Variants in TTN observed in about 807,000 individuals in gnomAD.
TTN encodes the protein connectin.
A neutral mutation model predicts 3,223.0 loss-of-function variants in TTN; 1,525 were observed. The ratio of observed to expected loss-of-function variants is 0.47; its 90% CI spans 0.45 to 0.49. The LOEUF is 0.49. Ranked by LOEUF, TTN falls within the 20% of genes least tolerant of loss-of-function variation. The probability of loss-of-function intolerance (pLI) is 0.00; values close to 1 mark genes in which losing one functional copy is unlikely to be tolerated. For synonymous variants in TTN, 14,094 were observed against 15,161.0 expected (o/e 0.93, Z 5.17); for missense variants, 40,786 against 43,424.0 (o/e 0.94, Z 5.40).
intron 130 of TTN, 69 bp downstream of exon 130, chr2:178,684,837 A>T (rs1457398066): frequency 4.5e-6 from 7 of 1,546,650 alleles, no homozygotes; most frequent in Non-Finnish European, 6.2e-6. Flanking sequence ...ATGTTTAAAA[A>T]ATCTGAAGAA....
In TTN at chr2:178,584,830, C is replaced by T. The variant is rs188996850; in HGVS notation, c.64811G>A (p.Arg21604Gln). 6.0e-5 allele frequency: 96 copies of T among 1,613,340 alleles called. No individual in the cohort carries two copies. The Admixed American group carries it at 9.8e-4, about 17-fold the overall frequency. ...AGCTAGAGCCGTGACCCAGTCACCT[C>T]GGCTTACATCACACTTCTCCACTAT... ...NYIVEKCDVS[R>Q]GDWVTALASV... is the part of the protein sequence containing the mutation. Residue 21604 changes from arginine (R) to glutamine (Q), a missense_variant, in exon 310 of 363, where the codon CGA (arginine) becomes CAA (glutamine). Coordinates refer to ENST00000589042, the MANE Select transcript of TTN (RefSeq NM_001267550.2).
At position 178,679,607 on chromosome 2, in the gene TTN, G is replaced by A. The variant is rs757268986; in HGVS notation, c.33656C>T (p.Pro11219Leu). The A allele has an allele frequency of 1.5e-5, 24 of 1,610,230 alleles. No individual in the cohort carries two copies. The South Asian group carries it at 2.2e-4, about 15-fold the overall frequency. The change falls in exon 141 of 363, where the codon CCG becomes CTG. Residue 11219 changes from proline to leucine, a missense_variant. Coordinates refer to ENST00000589042, the MANE Select transcript of TTN (RefSeq NM_001267550.2). ...VPVPKKKEAPPAKVPEVPKKP... is the reference protein window; with the variant it reads ...VPVPKKKEAPLAKVPEVPKKP... Reference sequence around the variant, plus strand: ...AATGAATGGTGGTGTACCTTTTGCCGGTGGAGCTTCCTTCTTCTTGGGAAC... The same window carrying A: ...AATGAATGGTGGTGTACCTTTTGCCAGTGGAGCTTCCTTCTTCTTGGGAAC...
In TTN at chr2:178,669,649, G is replaced by A. The variant is rs754975510; in HGVS notation, c.35413C>T (p.Pro11805Ser). The change falls in exon 158 of 363, where the codon CCA becomes TCA. Residue 11805 changes from proline to serine, a missense_variant. Physicochemically the swap from Pro to Ser is moderately conservative, Grantham distance 74. Coordinates refer to ENST00000589042, the MANE Select transcript of TTN (RefSeq NM_001267550.2). Reference sequence around the variant, plus strand: ...ACAGCTTCACGAACTTTTTCTTCTGGGACAATTTTCTTGGGTACTTCGGGT... The same window carrying A: ...ACAGCTTCACGAACTTTTTCTTCTGAGACAATTTTCTTGGGTACTTCGGGT... The part of the protein sequence containing the change: ...KAPEVPKKIV[P>S]EEKVREAVLK... The A allele has an allele frequency of 6.2e-7, 1 of 1,612,150 alleles. No individual in the cohort carries two copies. The highest frequency in any genetic ancestry group is 1.1e-5 in the South Asian group (1 of 91,060).
At position 178,773,574 on chromosome 2, in the gene TTN, A is replaced by C. The variant is rs749215640; in HGVS notation, c.7482T>G (p.Ile2494Met). 2.5e-6 allele frequency: 4 copies of C among 1,613,910 alleles called. No homozygotes were observed. The highest frequency in any genetic ancestry group is 2.7e-5 in the African/African-American group (2 of 74,892). The change falls in exon 32 of 363, where the codon ATT becomes ATG. Residue 2494 changes from isoleucine to methionine, a missense_variant. Ile to Met is a conservative substitution (Grantham distance 10). Transcript: ENST00000589042. ...CTAGTCGCTGTTTAGTACCTTTCAC[A>C]ATGGCCTGTACACGGTCATCAGGCT... ...QIKPDDRVQA[I>M]VKGTKQRLVI...
chr2:178,558,782 T>C (rs1318706143), intron 326 of TTN, 145 bp from the exon 327 acceptor site: 17 of 924,136 alleles, frequency 1.8e-5, no homozygotes, highest in Non-Finnish European at 2.7e-5. Context: ...ATAACCCATT[T>C]TGCTTCTGAA....
Position 178,574,004 on chromosome 2 carries a change from G to A in TTN, c.72128C>T (p.Ala24043Val). Residue 24043 changes from alanine to valine, a missense_variant, in exon 326 of 363, where the codon GCA (alanine) becomes GTA (valine). Physicochemically the swap from Ala to Val is moderately conservative, Grantham distance 64 (BLOSUM62 0). Coordinates refer to ENST00000589042, the MANE Select transcript of TTN (RefSeq NM_001267550.2). ...VKFKDTVILK[A>V]GEAFRLEADV... is the part of the protein sequence containing the mutation. ...AGCTTCCAGTCTGAATGCTTCACCTGCTTTTAATATAACCGTGTCCTTAAA... is the reference window on the plus strand; with the variant it reads ...AGCTTCCAGTCTGAATGCTTCACCTACTTTTAATATAACCGTGTCCTTAAA... 6.2e-7 allele frequency: 1 copy of A among 1,613,326 alleles called. No homozygotes were observed. The highest frequency in any genetic ancestry group is 8.5e-7 in the Non-Finnish European group (1 of 1,179,586).
In TTN at chr2:178,712,358, A is replaced by G; in HGVS notation, c.27564T>C (p.Asn9188=). ...DAGQYNCYIE[N]ASGKDSCSAQ... ...CTGAACAGGAATCTTTTCCAGAGGC[A>G]TTTTCAATGTAGCAGTTGTATTGTC... Residue 9188 remains asparagine, a synonymous_variant, in exon 95 of 363, where the codon AAT becomes AAC. Transcript: ENST00000589042. The G allele has an allele frequency of 6.2e-7, 1 of 1,613,824 alleles. No homozygotes were observed. The highest frequency in any genetic ancestry group is 8.5e-7 in the Non-Finnish European group (1 of 1,179,800).
Position 178,773,136 on chromosome 2 carries a change from T to A in TTN, c.7828A>T (p.Met2610Leu). 1 of 1,613,958 alleles carries A rather than the reference T, an allele frequency of 6.2e-7. No individual in the cohort carries two copies. Among genetic ancestry groups the A allele is most frequent in the Non-Finnish European group, 8.5e-7 (1 of 1,179,928 alleles). ...GCCACAGTAAGTTTTCCAGATGTCA[T>A]ATTTTCTCCCGCGTAAAATGTGTAT... ...GKYTFYAGEN[M>L]TSGKLTVAGG... Residue 2610 changes from methionine (M) to leucine (L), a missense_variant, in exon 33 of 363, where the codon ATG (methionine) becomes TTG (leucine). Met to Leu is a conservative substitution (Grantham distance 15). Transcript: ENST00000589042.
In TTN at chr2:178,612,165, G is replaced by A. The variant is rs910373333; in HGVS notation, c.50249-3C>T. The A allele has an allele frequency of 2.5e-6, 4 of 1,607,002 alleles. No homozygotes were observed. The highest frequency in any genetic ancestry group is 1.1e-5 in the South Asian group (1 of 89,582). The stretch of plus-strand genomic sequence containing the variant: ...GGCGTAGGGTGGTCCAGGAGTGGCT[G>A]AAAATAAAATAAACAATGATTAGGA... On this transcript the variant is annotated splice_region_variant and splice_polypyrimidine_tract_variant and intron_variant, in intron 266 of 362. Transcript: ENST00000589042.
Position 178,731,494 on chromosome 2 carries a change from G to T in TTN, c.17272C>A (p.Pro5758Thr). The T allele has an allele frequency of 6.2e-7, 1 of 1,613,560 alleles. No homozygotes were observed. The highest frequency in any genetic ancestry group is 8.5e-7 in the Non-Finnish European group (1 of 1,179,724). ...AFQATLKGSLPITVTWLKDSD... is the reference protein window; with the variant it reads ...AFQATLKGSLTITVTWLKDSD... ...TCTTTTAGCCAAGTCACCGTAATTG[G>T]CAAGGAGCCCTTCAGAGTGGCCTGG... The change falls in exon 59 of 363, where the codon CCA (proline) becomes ACA (threonine). Residue 5758 changes from proline (P) to threonine (T), a missense_variant. Physicochemically the swap from Pro to Thr is conservative, Grantham distance 38 (BLOSUM62 -1). Transcript: ENST00000589042.
At position 178,582,314 on chromosome 2, in the gene TTN, T is replaced by C. The variant is rs1282316821; in HGVS notation, c.66142A>G (p.Ile22048Val). The C allele has an allele frequency of 6.3e-7, 1 of 1,587,262 alleles. No homozygotes were observed. Among genetic ancestry groups the C allele is most frequent in the Non-Finnish European group, 8.5e-7 (1 of 1,169,660 alleles). Residue 22048 changes from isoleucine to valine, a missense_variant, in exon 314 of 363, where the codon ATT becomes GTT. Coordinates refer to ENST00000589042, the MANE Select transcript of TTN (RefSeq NM_001267550.2). ...VGDPVFTEPA[I>V]AKNPYDPPGR... ...TTCCTACCATATGGGTTTTTGGCAA[T>C]TGCTGGTTCAGTGAAGACTGGATCG...
At position 178,603,231 on chromosome 2, in the gene TTN, A is replaced by G. The variant is rs545292188; in HGVS notation, c.54812-641T>C. ...AATAACTACCTCATTATATAGGTAT[A>G]TATGCTCCACATAGCACTTGAGTAT... On this transcript the variant is annotated intron_variant, in intron 282 of 362. Coordinates refer to ENST00000589042, the MANE Select transcript of TTN (RefSeq NM_001267550.2). Among the ~76,000 whole-genome samples, 8 of 152,148 alleles carry G rather than the reference A, an allele frequency of 5.3e-5. No individual in the cohort carries two copies. The South Asian group carries it at 1.5e-3, about 28-fold the overall frequency.
At chr2:178,737,871 T>C (rs891249072) in intron 49 of TTN, 1 of 504,000 alleles carries the variant, frequency 2.0e-6, no homozygotes, top group Admixed American at 3.8e-5. Flanking sequence ...AAATAATAAA[T>C]TATTTTTTCT....
chr2:178,741,270 T>C lies in TTN; in HGVS notation c.11963A>G (p.His3988Arg), dbSNP rs1406738761. 6.2e-6 allele frequency: 10 copies of C among 1,613,792 alleles called. No individual in the cohort carries two copies. Among genetic ancestry groups the C allele is most frequent in the Non-Finnish European group, 6.8e-6 (8 of 1,179,850 alleles). ...GAAAGTTCCAGAGCCATTAGGGTTA[T>C]GAATGATAGTGTAATAAACACTGGT... The part of the protein sequence containing the change: ...LCTSVYYTII[H>R]NPNGSGTFIV... Residue 3988 changes from histidine (H) to arginine (R), a missense_variant, in exon 48 of 363, where the codon CAT becomes CGT. Physicochemically the swap from His to Arg is conservative, Grantham distance 29. Coordinates refer to ENST00000589042, the MANE Select transcript of TTN (RefSeq NM_001267550.2).
In TTN at chr2:178,729,923, C is replaced by T. The variant is rs1350814757; in HGVS notation, c.18330G>A (p.Lys6110=). Residue 6110 remains lysine (K), a synonymous_variant, in exon 63 of 363, where the codon AAG becomes AAA. Coordinates refer to ENST00000589042, the MANE Select transcript of TTN (RefSeq NM_001267550.2). Reference sequence around the variant, plus strand: ...TCCTCAGCACTAAGACTGGACTGGGCTTCTTAATGAATTGAGGAGGTTCTA... The same window carrying T: ...TCCTCAGCACTAAGACTGGACTGGGTTTCTTAATGAATTGAGGAGGTTCTA... The part of the protein sequence containing the change: ...FVKEPPQFIK[K]PSPVLVLRNG... The T allele has an allele frequency of 6.2e-7, 1 of 1,612,496 alleles. No homozygotes were observed. The highest frequency in any genetic ancestry group is 8.5e-7 in the Non-Finnish European group (1 of 1,179,366).
rs774620082 is a variant in TTN at position 178,776,373 on chromosome 2, C to T, written c.5491G>A (p.Val1831Ile). 6.2e-7 allele frequency: 1 copy of T among 1,613,266 alleles called. No homozygotes were observed. The highest frequency in any genetic ancestry group is 8.5e-7 in the Non-Finnish European group (1 of 1,179,980). The change falls in exon 28 of 363, where the codon GTA (valine) becomes ATA (isoleucine). Residue 1831 changes from valine (V) to isoleucine (I), a missense_variant. Transcript: ENST00000589042. ...RMAHEGALTG[V>I]TTDQKEKQKP... ...TGCTTTTCTTTCTGATCTGTTGTTA[C>T]ACCTGTAAGTGCACCTTCATGAGCC...
Position 178,702,295 on chromosome 2 carries a change from C to T in TTN, c.30434-50G>A. ...TTGTTTTCTGATATGTTGCAAATAA[C>T]ACTTCTTTACTTCAATATACGTATG... On this transcript the variant is annotated intron_variant, in intron 107 of 362. Transcript: ENST00000589042. The T allele has an allele frequency of 3.7e-6, 6 of 1,611,280 alleles. No individual in the cohort carries two copies. In the South Asian group the frequency reaches 5.5e-5, roughly 15 times the overall value.
In TTN at chr2:178,669,385, T is replaced by C; in HGVS notation, c.35533A>G (p.Thr11845Ala). The C allele has an allele frequency of 6.6e-7, 1 of 1,521,474 alleles. No homozygotes were observed. The highest frequency in any genetic ancestry group is 8.7e-7 in the Non-Finnish European group (1 of 1,145,318). 94.2% of individuals were successfully genotyped at this position (1,521,474 alleles called of 1,614,324 possible). A position where few individuals can be genotyped will look rare whatever the true frequency, so the allele number is the denominator to read the frequency against. The change falls in exon 159 of 363, where the codon ACA becomes GCA. Residue 11845 changes from threonine (T) to alanine (A), a missense_variant. Thr to Ala is a moderately conservative substitution (Grantham distance 58, BLOSUM62 0). Coordinates refer to ENST00000589042, the MANE Select transcript of TTN (RefSeq NM_001267550.2). Reference sequence around the variant, plus strand: ...TTTCTACACTCACTGTACATCTCTGTGTCTTCAGAAATAACAATAGGTGAT... The same window carrying C: ...TTTCTACACTCACTGTACATCTCTGCGTCTTCAGAAATAACAATAGGTGAT... ...EKSPIVISED[T>A]EMYIYEASEE...
chr2:178,760,072 A>G lies in TTN; in HGVS notation c.10115-900T>C, dbSNP rs556089747. Among the ~76,000 whole-genome samples the G allele has an allele frequency of 6.2e-4, 95 of 152,334 alleles. 2 individuals are homozygous for G. The South Asian group carries it at 0.018, about 29-fold the overall frequency. On this transcript the variant is annotated intron_variant, in intron 43 of 362. Coordinates refer to ENST00000589042, the MANE Select transcript of TTN (RefSeq NM_001267550.2). The stretch of plus-strand genomic sequence containing the variant: ...CTTCTTGGTCTCAAAACCATCCAAG[A>G]TGATCTTCTAATAGTCCAATCATCT...
Sources: allele counts gnomAD v4.1 joint callset (sites outside exome capture counted in the v4.1 genomes callset), GRCh38; gene constraint gnomAD v4.1.1; transcripts MANE v1.5; gene names NCBI Gene and HGNC (gene_info 2026-07-23, HGNC 2026-07-21).